The following FBXL18 variants were observed in gnomAD, a reference collection of about 807,000 sequenced individuals.
FBXL18 encodes F-box and leucine rich repeat protein 18.
Under a neutral mutation model 46.0 loss-of-function variants are expected in FBXL18, and 36 were observed. The observed-to-expected ratio is 0.78, with a 90% CI of 0.60 to 1.03. The LOEUF (loss-of-function observed/expected upper bound fraction) is 1.03. Ranked by LOEUF, FBXL18 falls within the 50% of genes least tolerant of loss-of-function variation. The probability of loss-of-function intolerance (pLI) is 0.00; values close to 1 mark genes in which losing one functional copy is unlikely to be tolerated. For missense variants in FBXL18, 977 were observed against 1,004.1 expected, an observed-to-expected ratio of 0.97 and a Z score of 0.36; for synonymous variants, 557 against 465.3, an observed-to-expected ratio of 1.20 and a Z score of -2.54.
intron 3 of FBXL18, among the ~76,000 whole-genome samples, chr7:5,499,125 C>G (rs750744448): frequency 3.9e-5 from 6 of 152,138 alleles, no homozygotes; most frequent in Non-Finnish European, 7.3e-5. Context: ...TGCTCCTAGT[C>G]CCAAGGACCA....
rs1190147185 is a variant in FBXL18, at chr7:5,496,764, G to A, written c.1781+3724C>T. Among the ~76,000 whole-genome samples, 4 of 152,126 alleles carry A rather than the reference G, an allele frequency of 2.6e-5. No homozygotes were observed. The highest frequency in any genetic ancestry group is 1.3e-4 in the Admixed American group (2 of 15,264). On this transcript the variant is annotated intron_variant, in intron 3 of 4. Coordinates refer to ENST00000382368, the MANE Select transcript of FBXL18 (RefSeq NM_024963.6). The surrounding 1 kb of genome is among the most constrained non-coding windows in gnomAD (Gnocchi z 4.8). ...CAGGCGGCCGGGCACAGTGGCTTAC[G>A]CCTGTAATCCCACCACTTTGGGAGG...
In FBXL18 at chr7:5,457,068, G is replaced by A. The variant is rs143883383; in HGVS notation, c.2001-9225C>T. 4.7e-3 allele frequency among the ~76,000 whole-genome samples: 719 copies of A among 152,324 alleles called. 9 individuals carry two copies. Among genetic ancestry groups the A allele is most frequent in the African/African-American group, 0.016 (681 of 41,578 alleles). On this transcript the variant is annotated intron_variant and NMD_transcript_variant, in intron 4 of 6. Coordinates refer to the FBXL18 transcript ENST00000415009. ...CGTGAGCCACTGCACCTGGCCTAGGGCTGTCCCCTCTAAGAACACACAGAC... is the reference window on the plus strand; with the variant it reads ...CGTGAGCCACTGCACCTGGCCTAGGACTGTCCCCTCTAAGAACACACAGAC...
rs1473221229 is a variant in FBXL18 at position 5,481,533 on chromosome 7, C to T, written c.*242G>A. On this transcript the variant is annotated 3_prime_UTR_variant, in exon 5 of 5. Transcript: ENST00000382368. ...GGTCAGCCTGGTTCAGCCAGCCCCC[C>T]ACATCGACCGTCCCCCGAGCCCCCT... The T allele has an allele frequency of 2.1e-6, 1 of 470,876 alleles. No individual in the cohort carries two copies. 29.2% of individuals were successfully genotyped at this position (470,876 alleles called of 1,614,324 possible).
intron 3 of FBXL18, among the ~76,000 whole-genome samples, chr7:5,495,603 G>A (rs971553640): frequency 6.6e-6 from 1 of 152,234 alleles, no homozygotes; most frequent in Non-Finnish European, 1.5e-5. Flanking sequence ...GGGGCTGCCA[G>A]TGGCAGCAGG....
At chr7:5,495,726 AG>A in intron 3 of FBXL18, 1 of 455,704 alleles carries the variant, frequency 2.2e-6, no homozygotes, top group Admixed American at 2.4e-5. Flanking sequence ...TCCTCTGCAC[AG>A]CTCCTGCCCA....
At chr7:5,511,097 G>A (rs1584249284) in intron 1 of FBXL18, among the ~76,000 whole-genome samples, 2 of 152,322 alleles carry the variant, frequency 1.3e-5, no homozygotes, top group East Asian at 3.9e-4. Flanking sequence ...GAGCTCAAGT[G>A]ATCTGTGCCT....
chr7:5,481,537 T>C lies in FBXL18; in HGVS notation c.*238A>G. On this transcript the variant is annotated 3_prime_UTR_variant, in exon 5 of 5. Transcript: ENST00000382368. Reference sequence around the variant, plus strand: ...AGCCTGGTTCAGCCAGCCCCCCACATCGACCGTCCCCCGAGCCCCCTCATG... The same window carrying C: ...AGCCTGGTTCAGCCAGCCCCCCACACCGACCGTCCCCCGAGCCCCCTCATG... The C allele has an allele frequency of 2.9e-6, 1 of 349,484 alleles. No homozygotes were observed. Among genetic ancestry groups the C allele is most frequent in the South Asian group, 3.3e-5 (1 of 29,986 alleles). 21.6% of individuals were successfully genotyped at this position (349,484 alleles called of 1,614,324 possible). A position where few individuals can be genotyped will look rare whatever the true frequency, so the allele number is the denominator to read the frequency against.
chr7:5,460,154 T>A (rs1291108429), intron 4 of FBXL18, among the ~76,000 whole-genome samples: 2 of 151,980 alleles, frequency 1.3e-5, no homozygotes, highest in Non-Finnish European at 2.9e-5. Context: ...CTTGGGAGGC[T>A]GAGGCAGGAG....
At chr7:5,487,844 C>T (rs1474311115) in intron 4 of FBXL18, among the ~76,000 whole-genome samples, 1 of 149,478 alleles carries the variant, frequency 6.7e-6, no homozygotes, top group African/African-American at 2.4e-5. Context: ...GGGTGCTGCA[C>T]CAGGTGCGGG....
rs368850809 is a variant in FBXL18, at chr7:5,468,607, T to TTTAG, written c.2001-20768_2001-20765dup. Among the ~76,000 whole-genome samples, 879 of 152,250 alleles carry TTTAG rather than the reference T, an allele frequency of 5.8e-3. 12 individuals carry two copies. The highest frequency in any genetic ancestry group is 0.02 in the African/African-American group (831 of 41,552). The stretch of plus-strand genomic sequence containing the variant: ...CTAAGTTTACCTCTTTTTATATTTA[T>TTTAG]TTAGTTAGTTATTGAGACAGCGTCT... On this transcript the variant is annotated intron_variant and NMD_transcript_variant, in intron 4 of 6. Coordinates refer to the FBXL18 transcript ENST00000415009.
intron 4 of FBXL18, among the ~76,000 whole-genome samples, chr7:5,470,560 C>A (rs1783410707): frequency 6.6e-6 from 1 of 152,196 alleles, no homozygotes; most frequent in South Asian, 2.1e-4. Flanking sequence ...CCATTCCCGG[C>A]TCCTGAGTGT....
chr7:5,488,390 G>A (rs909570656), intron 4 of FBXL18, among the ~76,000 whole-genome samples: 3 of 152,250 alleles, frequency 2.0e-5, no homozygotes, highest in African/African-American at 7.2e-5. Flanking sequence ...GGAGGCCTTC[G>A]AGGGTGGGGC....
intron 4 of FBXL18, chr7:5,490,231 T>C (rs1264662640): frequency 7.6e-7 from 1 of 1,320,538 alleles, no homozygotes; most frequent in Non-Finnish European, 1.0e-6. Context: ...ACACGAACAC[T>C]CAGGGCGTTC....
At chr7:5,472,408 G>C (rs1442329752), downstream of FBXL18, among the ~76,000 whole-genome samples, 2 of 152,178 alleles carry the variant, frequency 1.3e-5, no homozygotes, top group Non-Finnish European at 2.9e-5. Context: ...CCATGTGACA[G>C]CCAAAGCCAG....
chr7:5,510,041 C>T (rs147494790), intron 1 of FBXL18, among the ~76,000 whole-genome samples: 318 of 152,136 alleles, frequency 2.1e-3, no homozygotes, highest in African/African-American at 7.1e-3. Context: ...GTAGCTCATG[C>T]GTGTAATTCC....
rs747350125 is a variant in FBXL18, at chr7:5,505,650, C to A, written c.19-20G>T. The A allele has an allele frequency of 1.2e-6, 2 of 1,603,234 alleles. No homozygotes were observed. The highest frequency in any genetic ancestry group is 2.2e-5 in the East Asian group (1 of 44,796). ...TATGTCCTGAAAATAAGGGGGACAC[C>A]ATTCCCACAGGATCCCCAAGGATGG... is the stretch of plus-strand genomic sequence containing the variant. On this transcript the variant is annotated intron_variant, in intron 1 of 4. Coordinates refer to ENST00000382368, the MANE Select transcript of FBXL18 (RefSeq NM_024963.6).
intron 4 of FBXL18, among the ~76,000 whole-genome samples, chr7:5,461,460 A>G (rs533452768): frequency 6.6e-6 from 1 of 152,170 alleles, no homozygotes; most frequent in South Asian, 2.1e-4. Flanking sequence ...TTTTGCACCA[A>G]CCTAATTACA....
At position 5,479,188 on chromosome 7, in the gene FBXL18, C is replaced by A. The variant is rs766700629; in HGVS notation, c.*2587G>T. On this transcript the variant is annotated 3_prime_UTR_variant, in exon 5 of 5. Coordinates refer to ENST00000382368, the MANE Select transcript of FBXL18 (RefSeq NM_024963.6). ...CAGGGGTGCTTTCCAAGGCACTGCACCCCAGCCTCAGGAACAGCCCTTCCC... is the reference window on the plus strand; with the variant it reads ...CAGGGGTGCTTTCCAAGGCACTGCAACCCAGCCTCAGGAACAGCCCTTCCC... The A allele has an allele frequency of 2.6e-5, 4 of 152,076 alleles. No homozygotes were observed. Among genetic ancestry groups the A allele is most frequent in the Non-Finnish European group, 5.9e-5 (4 of 68,026 alleles). The allele number at this position is 152,076 out of a possible 1,614,324, so 9.4% of individuals were successfully genotyped here.
rs189562750 is a variant in FBXL18 at position 5,485,285 on chromosome 7, G to C, written c.2001-3354C>G. Among the ~76,000 whole-genome samples the C allele has an allele frequency of 1.1e-3, 160 of 152,276 alleles. 2 individuals are homozygous for C. The highest frequency in any genetic ancestry group is 3.7e-3 in the African/African-American group (152 of 41,548). On this transcript the variant is annotated intron_variant, in intron 4 of 4. Coordinates refer to ENST00000382368, the MANE Select transcript of FBXL18 (RefSeq NM_024963.6). The stretch of plus-strand genomic sequence containing the variant: ...GGCAGAGGGGGAGTCTCTGTGGATT[G>C]GGACAGAAAGGCCAGCCCTTCTTGG...
Sources: gnomAD v4.1 joint callset for allele counts (sites outside exome capture counted in the v4.1 genomes callset) on GRCh38, gnomAD v4.1.1 for gene constraint, Gnocchi (gnomAD v3.1) non-coding constraint, MANE v1.5 for transcripts, NCBI Gene and HGNC (gene_info 2026-07-23, HGNC 2026-07-21) for gene names.